Variants in IPO7 observed in about 807,000 individuals in gnomAD.
IPO7 encodes importin-7.
IPO7 carries 13 observed loss-of-function variants against 136.4 expected under a neutral mutation model. The observed-to-expected ratio is 0.10, with a 90% CI of 0.06 to 0.15. The LOEUF (loss-of-function observed/expected upper bound fraction) is 0.15. Among genes scored for constraint, IPO7 ranks in the 10% least tolerant of loss-of-function variants. The probability of loss-of-function intolerance (pLI) is 1.00; values close to 1 mark genes in which losing one functional copy is unlikely to be tolerated. For missense variants in IPO7, 857 were observed against 1,240.6 expected, an observed-to-expected ratio of 0.69 and a Z score of 4.65; for synonymous variants, 403 against 404.4, an observed-to-expected ratio of 1.00 and a Z score of 0.04.
At chr11:9,388,962 G>A (rs2133715652) in intron 1 of IPO7, among the ~76,000 whole-genome samples, 1 of 152,136 alleles carries the variant, frequency 6.6e-6, no homozygotes, top group Middle Eastern at 3.4e-3. Flanking sequence ...TGATTTCCCA[G>A]TAATAGGCTT....
intron 20 of IPO7, among the ~76,000 whole-genome samples, chr11:9,437,297 G>A (rs1391944373): frequency 4.0e-5 from 6 of 151,554 alleles, no homozygotes; most frequent in Non-Finnish European, 7.4e-5. Context: ...TCGCTCTGTC[G>A]CTCAGGCTGG....
At position 9,430,161 on chromosome 11, in the gene IPO7, C is replaced by G. The variant is rs1023297634; in HGVS notation, c.1752+327C>G. 2.6e-5 allele frequency among the ~76,000 whole-genome samples: 4 copies of G among 152,262 alleles called. No homozygotes were observed. The South Asian group carries it at 6.2e-4, about 24-fold the overall frequency. On this transcript the variant is annotated intron_variant, in intron 15 of 24. Coordinates refer to ENST00000379719, the MANE Select transcript of IPO7 (RefSeq NM_006391.3). ...CTCACCTACCACTTATCTACTGCTC[C>G]TAACAGGCCATGGACCGGTACCAGT...
At chr11:9,439,964 A>G (rs544802584) in intron 22 of IPO7, among the ~76,000 whole-genome samples, 7 of 152,366 alleles carry the variant, frequency 4.6e-5, no homozygotes, top group East Asian at 1.9e-4. Context: ...CCTATCATCT[A>G]TTAATTCTAA....
Position 9,429,051 on chromosome 11 carries a change from T to C in IPO7, c.1446T>C (p.Tyr482=). The change falls in exon 14 of 25, where the codon TAT becomes TAC. Residue 482 remains tyrosine, a synonymous_variant. Transcript: ENST00000379719. ...AAAAGGCTTGCTGGGTACTTCACTA[T>C]TTTTGTGAAGTGAAGTTCAAAAGTG... ...MRARACWVLH[Y]FCEVKFKSDQ... is the part of the protein sequence containing the mutation. 6.2e-7 allele frequency: 1 copy of C among 1,613,642 alleles called. No homozygotes were observed. Among genetic ancestry groups the C allele is most frequent in the Non-Finnish European group, 8.5e-7 (1 of 1,179,642 alleles).
In IPO7 at chr11:9,384,771, C is replaced by G. The variant is rs1854525953; in HGVS notation, c.8C>G (p.Pro3Arg). 1.2e-6 allele frequency: 2 copies of G among 1,604,376 alleles called. No individual in the cohort carries two copies. Among genetic ancestry groups the G allele is most frequent in the Admixed American group, 1.7e-5 (1 of 59,122 alleles). The change falls in exon 1 of 25, where the codon CCC (proline) becomes CGC (arginine). Residue 3 changes from proline to arginine, a missense_variant. This residue lies in a region of IPO7 where 49 missense variants were observed against 59.9 expected (regional missense o/e 0.82). Coordinates refer to ENST00000379719, the MANE Select transcript of IPO7 (RefSeq NM_006391.3). ...GACCGAGTCCGCGCTGCGATGGACC[C>G]CAACACCATTATCGAGGCCCTGCGG... is the stretch of plus-strand genomic sequence containing the variant. The part of the protein sequence containing the change: MD[P>R]NTIIEALRGT...
rs188262264 is a variant in IPO7 at position 9,425,122 on chromosome 11, C to T, written c.1219-24C>T. 3,793 of 1,460,394 alleles carry T rather than the reference C, an allele frequency of 2.6e-3. 6 individuals are homozygous for T. The highest frequency in any genetic ancestry group is 3.9e-3 in the Admixed American group (233 of 59,608). The allele number at this position is 1,460,394 out of a possible 1,614,324, so 90.5% of individuals were successfully genotyped here. A position where few individuals can be genotyped will look rare whatever the true frequency, so the allele number is the denominator to read the frequency against. ...TAAGGACTGTTGGCCTATTCAGTAA[C>T]AATACTTTTCTCTTTTAATCTAGGT... On this transcript the variant is annotated intron_variant, in intron 11 of 24. Coordinates refer to ENST00000379719, the MANE Select transcript of IPO7 (RefSeq NM_006391.3).
intron 2 of IPO7, among the ~76,000 whole-genome samples, chr11:9,406,344 A>C (rs558639824): frequency 6.6e-6 from 1 of 151,816 alleles, no homozygotes; most frequent in Non-Finnish European, 1.5e-5. Flanking sequence ...TTTATCTTTT[A>C]CTAGTGAAGC....
At chr11:9,420,592 G>T (rs757011666) in intron 7 of IPO7, 22 bp from the exon 8 acceptor site, 3 of 1,585,050 alleles carry the variant, frequency 1.9e-6, no homozygotes, top group Non-Finnish European at 1.7e-6. Flanking sequence ...AAGAAACAAT[G>T]GGCATTTTGA....
intron 1 of IPO7, among the ~76,000 whole-genome samples, chr11:9,399,014 G>T (rs1191086355): frequency 1.3e-5 from 2 of 152,138 alleles, no homozygotes; most frequent in Non-Finnish European, 2.9e-5. Context: ...TAGAAAGCTT[G>T]TTAAAAGGTT....
intron 16 of IPO7, 82 bp from the exon 17 acceptor site, chr11:9,433,488 T>A: frequency 2.4e-6 from 2 of 840,860 alleles, no homozygotes; most frequent in Non-Finnish European, 3.9e-6. Context: ...TATATTTAAG[T>A]GTACTGAATT....
At chr11:9,405,833 C>G (rs190205672) in intron 2 of IPO7, among the ~76,000 whole-genome samples, 78 of 152,052 alleles carry the variant, frequency 5.1e-4, no homozygotes, top group African/African-American at 1.8e-3. Context: ...TTTTTATTGT[C>G]TCCTTTCCCT....
In IPO7 at chr11:9,434,214, C is replaced by T. The variant is rs9667749; in HGVS notation, c.2074+368C>T. Among the ~76,000 whole-genome samples the T allele has an allele frequency of 7.3e-3, 1,114 of 152,216 alleles. 12 individuals are homozygous for T. Among genetic ancestry groups the T allele is most frequent in the African/African-American group, 0.025 (1,033 of 41,538 alleles). ...CTGGGATTACAGGCATGAGCCACTG[C>T]GCCTGGCCTGAACGTACACTTTTGA... On this transcript the variant is annotated intron_variant, in intron 18 of 24. Transcript: ENST00000379719.
intron 1 of IPO7, among the ~76,000 whole-genome samples, chr11:9,395,071 A>G (rs1854690047): frequency 6.6e-6 from 1 of 152,146 alleles, no homozygotes; most frequent in South Asian, 2.1e-4. Flanking sequence ...AGCATCCAGA[A>G]GTTATATTTA....
At chr11:9,428,891 T>C in intron 13 of IPO7, 140 bp from the exon 14 acceptor site, 1 of 825,074 alleles carries the variant, frequency 1.2e-6, no homozygotes, top group South Asian at 1.3e-5. Context: ...GGGATCATAG[T>C]ACTGGTCTAG....
chr11:9,425,221 G>A lies in IPO7; in HGVS notation c.1294G>A (p.Ala432Thr), dbSNP rs1200875559. Residue 432 changes from alanine to threonine, a missense_variant, in exon 12 of 25, where the codon GCC (alanine) becomes ACC (threonine). Ala to Thr is a moderately conservative substitution (Grantham distance 58). This residue lies in a region of IPO7 where 127 missense variants were observed against 222.4 expected (regional missense o/e 0.57). Transcript: ENST00000379719. ...TGCTGACCCTCGAAAAAAAGATGGAGCCCTGCATATGATTGGCTCTTTAGC... is the reference window on the plus strand; with the variant it reads ...TGCTGACCCTCGAAAAAAAGATGGAACCCTGCATATGATTGGCTCTTTAGC... ...PNADPRKKDG[A>T]LHMIGSLAEI... is the part of the protein sequence containing the mutation. 6.2e-7 allele frequency: 1 copy of A among 1,610,506 alleles called. No individual in the cohort carries two copies. Among genetic ancestry groups the A allele is most frequent in the Admixed American group, 1.7e-5 (1 of 60,026 alleles).
intron 2 of IPO7, among the ~76,000 whole-genome samples, chr11:9,407,439 A>G (rs1169499841): frequency 6.6e-6 from 1 of 152,094 alleles, no homozygotes; most frequent in East Asian, 1.9e-4. Flanking sequence ...CTGTAAACCC[A>G]GCTACTCGGG....
intron 24 of IPO7, 138 bp from the exon 25 acceptor site, chr11:9,444,959 A>G (rs1855508909): frequency 3.1e-6 from 2 of 635,034 alleles, no homozygotes; most frequent in East Asian, 2.7e-5. Flanking sequence ...TTGCCCTTAT[A>G]CATTGGAGAA....
At position 9,436,287 on chromosome 11, in the gene IPO7, C is replaced by G. The variant is rs1236021719; in HGVS notation, c.2189C>G (p.Ala730Gly). The G allele has an allele frequency of 3.1e-6, 5 of 1,612,692 alleles. No homozygotes were observed. The highest frequency in any genetic ancestry group is 1.1e-5 in the South Asian group (1 of 91,046). The change falls in exon 20 of 25, where the codon GCA becomes GGA. Residue 730 changes from alanine to glycine, a missense_variant. Physicochemically the swap from Ala to Gly is moderately conservative, Grantham distance 60. This residue lies in a region of IPO7 where 190 missense variants were observed against 249.0 expected (regional missense o/e 0.76). Transcript: ENST00000379719. ...TTTGATCAGGTTCTTACAGGAGTTG[C>G]AGGAGAAGATGCAGAGTGTCATGCA... ...SMCKKVLTGV[A>G]GEDAECHAAK...
chr11:9,436,712 T>C (rs1855373886), intron 20 of IPO7, among the ~76,000 whole-genome samples: 1 of 149,182 alleles, frequency 6.7e-6, no homozygotes. Flanking sequence ...AGTGAGAGTC[T>C]TGCTCTGTTG....
Sources: gnomAD v4.1 joint callset for allele counts (sites outside exome capture counted in the v4.1 genomes callset) on GRCh38, gnomAD v4.1.1 for gene constraint, gnomAD v4.1.1 regional missense constraint, MANE v1.5 for transcripts, NCBI Gene and HGNC (gene_info 2026-07-23, HGNC 2026-07-21) for gene names.